Variants in ZC3HAV1 observed in about 807,000 individuals in gnomAD.
The protein encoded by ZC3HAV1 is zinc finger CCCH-type antiviral protein 1.
Under a neutral mutation model 86.6 loss-of-function variants are expected in ZC3HAV1, and 41 were observed. The ratio of observed to expected loss-of-function variants is 0.47; its 90% CI spans 0.37 to 0.61. The LOEUF (loss-of-function observed/expected upper bound fraction) is 0.61, where lower values mean the gene tolerates loss of function less well. Ranked by LOEUF, ZC3HAV1 falls within the 20% of genes least tolerant of loss-of-function variation. The probability of loss-of-function intolerance (pLI) is 0.00; values close to 1 mark genes in which losing one functional copy is unlikely to be tolerated. For missense variants in ZC3HAV1, 964 were observed against 1,141.1 expected, an observed-to-expected ratio of 0.84 and a Z score of 2.24; for synonymous variants, 421 against 432.1, an observed-to-expected ratio of 0.97 and a Z score of 0.32.
In ZC3HAV1 at chr7:139,073,859, T is replaced by C. The variant is rs772611953; in HGVS notation, c.1869A>G (p.Glu623=). ...NESGTWIQYG[E]EKDKRKNSNV... is the part of the protein sequence containing the mutation. ...TACAAGGAGGAACAGTGCTCACCTC[T>C]TCTCCATACTGAATCCATGTGCCAG... Residue 623 remains glutamate, a synonymous_variant, in exon 7 of 13, where the codon GAA becomes GAG. Transcript: ENST00000242351. The C allele has an allele frequency of 1.9e-6, 3 of 1,611,146 alleles. No homozygotes were observed. The Admixed American group carries it at 5.0e-5, about 27-fold the overall frequency.
intron 9 of ZC3HAV1, among the ~76,000 whole-genome samples, chr7:139,056,533 G>C (rs1816291980): frequency 6.6e-6 from 1 of 151,346 alleles, no homozygotes; most frequent in South Asian, 2.1e-4. Context: ...TGAGTAGCTG[G>C]GACCACAAGT....
chr7:139,106,393 G>A (rs1270746166), intron 1 of ZC3HAV1, among the ~76,000 whole-genome samples: 2 of 152,106 alleles, frequency 1.3e-5, no homozygotes, highest in Non-Finnish European at 2.9e-5. Flanking sequence ...CCGGCAGATC[G>A]CTTGAGCTCA....
In ZC3HAV1 at chr7:139,097,428, A is replaced by ATTTTTTTTT. The variant is rs11291842; in HGVS notation, c.309-7678_309-7670dup. Among the ~76,000 whole-genome samples the ATTTTTTTTT allele has an allele frequency of 3.5e-4, 17 of 48,156 alleles. 2 individuals are homozygous for ATTTTTTTTT. The highest frequency in any genetic ancestry group is 1.7e-3 in the African/African-American group (15 of 8,792). 31.6% of individuals were successfully genotyped at this position (48,156 alleles called of 152,430 possible). On this transcript the variant is annotated intron_variant, in intron 1 of 12. Coordinates refer to ENST00000242351, the MANE Select transcript of ZC3HAV1 (RefSeq NM_020119.4). Reference sequence around the variant, plus strand: ...TATATATATATATATATATATATATATTTTTTTTTTTTTTTTTTTTCTTTG... The same window carrying ATTTTTTTTT: ...TATATATATATATATATATATATATATTTTTTTTTTTTTTTTTTTTTTTTTTTTTCTTTG...
At chr7:139,059,208 G>A (rs1816377407) in intron 9 of ZC3HAV1, among the ~76,000 whole-genome samples, 1 of 152,134 alleles carries the variant, frequency 6.6e-6, no homozygotes, top group Non-Finnish European at 1.5e-5. Flanking sequence ...GTCAGGAACT[G>A]AAATAGTTAT....
chr7:139,057,543 T>TAGAATGAGAAAGATTGGCCCCAG (rs1308018080), intron 9 of ZC3HAV1, among the ~76,000 whole-genome samples: 1,102 of 60,926 alleles, frequency 0.018, 151 homozygotes, highest in East Asian at 0.027. Context: ...TTTTTTTTTT[T>TAGAATGAGAAAGATTGGCCCCAG]TTTTTTTTTT....
In ZC3HAV1 at chr7:139,059,154, C is replaced by G. The variant is rs558413856; in HGVS notation, c.2096+1882G>C. Among the ~76,000 whole-genome samples, 3 of 152,222 alleles carry G rather than the reference C, an allele frequency of 2.0e-5. No individual in the cohort carries two copies. The South Asian group carries it at 6.2e-4, about 32-fold the overall frequency. ...ATTCATTGGCTGAATGTGAACAGCC[C>G]CTCCCCATCCTCCTACTCTGCCTTT... On this transcript the variant is annotated intron_variant, in intron 9 of 12. Coordinates refer to ENST00000242351, the MANE Select transcript of ZC3HAV1 (RefSeq NM_020119.4).
Position 139,055,253 on chromosome 7 carries a change from G to A in ZC3HAV1, c.2139C>T (p.Thr713=). 6.2e-7 allele frequency: 1 copy of A among 1,613,500 alleles called. No homozygotes were observed. The highest frequency in any genetic ancestry group is 8.5e-7 in the Non-Finnish European group (1 of 1,179,648). The part of the protein sequence containing the change: ...AKTSSVSLTA[T]FRPQEDFCFL... ...AGCAAAAGTCCTCCTGAGGACGAAA[G>A]GTCGCAGTTAAAGACACTGACGAGG... is the stretch of plus-strand genomic sequence containing the variant. Residue 713 remains threonine, a synonymous_variant, in exon 10 of 13, where the codon ACC becomes ACT. Transcript: ENST00000242351.
intron 8 of ZC3HAV1, among the ~76,000 whole-genome samples, chr7:139,063,048 A>G (rs576953799): frequency 5.0e-4 from 74 of 148,534 alleles, no homozygotes; most frequent in South Asian, 2.3e-3. Context: ...AAAAAAAAAA[A>G]AAAGAAAGAA....
chr7:139,081,464 T>G (rs1275094221), intron 3 of ZC3HAV1, among the ~76,000 whole-genome samples: 1 of 152,160 alleles, frequency 6.6e-6, no homozygotes, highest in African/African-American at 2.4e-5. Context: ...AAGTTTACAT[T>G]GAGAAGCTAC....
intron 2 of ZC3HAV1, among the ~76,000 whole-genome samples, 164 bp from the exon 3 acceptor site, chr7:139,084,196 G>T (rs946401126): frequency 6.6e-6 from 1 of 152,234 alleles, no homozygotes; most frequent in African/African-American, 2.4e-5. Context: ...GTCACATTCA[G>T]TTGGTGATTT....
At chr7:139,089,899 T>C (rs1817379760) in intron 1 of ZC3HAV1, 140 bp from the exon 2 acceptor site, 3 of 798,140 alleles carry the variant, frequency 3.8e-6, no homozygotes. Context: ...GCTTAAAGAA[T>C]ACACTATATT....
At chr7:139,082,416 G>A (rs1021377274) in intron 3 of ZC3HAV1, among the ~76,000 whole-genome samples, 1 of 151,634 alleles carries the variant, frequency 6.6e-6, no homozygotes, top group Non-Finnish European at 1.5e-5. Context: ...AAATGGCACA[G>A]CTGCTACAAA....
intron 1 of ZC3HAV1, among the ~76,000 whole-genome samples, chr7:139,098,069 T>C (rs1390095258): frequency 3.3e-5 from 5 of 152,012 alleles, no homozygotes; most frequent in African/African-American, 1.2e-4. Context: ...CTCAGCCTCC[T>C]GAGTAGCTGG....
At position 139,074,013 on chromosome 7, in the gene ZC3HAV1, T is replaced by A. The variant is rs1816860372; in HGVS notation, c.1715A>T (p.Tyr572Phe). The A allele has an allele frequency of 6.2e-7, 1 of 1,612,668 alleles. No individual in the cohort carries two copies. Among genetic ancestry groups the A allele is most frequent in the South Asian group, 1.1e-5 (1 of 91,042 alleles). The change falls in exon 7 of 13, where the codon TAT becomes TTT. Residue 572 changes from tyrosine to phenylalanine, a missense_variant. Transcript: ENST00000242351. ...ACTCATTACCCGAAAATTGATTGTA[T>A]AACTTCCTACAGAACAGCTGAGAGA... Reference protein sequence around the residue: ...PGIHLCSVGSYTINFRVMSCD... With the variant: ...PGIHLCSVGSFTINFRVMSCD...
rs759578962 is a variant in ZC3HAV1 at position 139,080,005 on chromosome 7, C to T, written c.936G>A (p.Ser312=). The change falls in exon 4 of 13, where the codon TCG becomes TCA. Residue 312 remains serine (S), a synonymous_variant. Transcript: ENST00000242351. Reference sequence around the variant, plus strand: ...TTCCTCCAAGATCAGTAGCCTTGGACGAGCCTGAGGGAGGCCGAGCGCGAT... The same window carrying T: ...TTCCTCCAAGATCAGTAGCCTTGGATGAGCCTGAGGGAGGCCGAGCGCGAT... ...SQDRARPPSG[S]SKATDLGGTS... is the part of the protein sequence containing the mutation. The T allele has an allele frequency of 2.0e-5, 33 of 1,614,168 alleles. No homozygotes were observed. Among genetic ancestry groups the T allele is most frequent in the East Asian group, 1.1e-4 (5 of 44,872 alleles).
intron 12 of ZC3HAV1, among the ~76,000 whole-genome samples, chr7:139,050,963 C>T (rs1563122329): frequency 6.6e-6 from 1 of 152,198 alleles, no homozygotes; most frequent in African/African-American, 2.4e-5. Flanking sequence ...CTCCCTTCTC[C>T]GCCATGTGGT....
intron 1 of ZC3HAV1, among the ~76,000 whole-genome samples, chr7:139,097,481 C>G (rs1161631500): frequency 7.6e-6 from 1 of 131,260 alleles, no homozygotes; most frequent in Non-Finnish European, 1.6e-5. Context: ...GTCGCCCAGG[C>G]TGGAGTGCAG....
At chr7:139,084,151 G>T (rs1320118739) in intron 2 of ZC3HAV1, 119 bp from the exon 3 acceptor site, 3 of 1,347,646 alleles carry the variant, frequency 2.2e-6, no homozygotes, top group Admixed American at 4.9e-5. Context: ...TACCAAAGGG[G>T]GAAAAATACA....
chr7:139,080,300 C>T, intron 3 of ZC3HAV1, 57 bp from the exon 4 acceptor site: 1 of 1,599,102 alleles, frequency 6.3e-7, no homozygotes, highest in South Asian at 1.1e-5. Context: ...GTTAATGTGA[C>T]TGAGTTCCTA....
Sources: allele counts gnomAD v4.1 joint callset (sites outside exome capture counted in the v4.1 genomes callset), GRCh38; gene constraint gnomAD v4.1.1; transcripts MANE v1.5; gene names NCBI Gene and HGNC (gene_info 2026-07-23, HGNC 2026-07-21).